The following NR3C2 variants were observed in gnomAD, a reference collection of about 807,000 sequenced individuals.
NR3C2 encodes nuclear receptor subfamily 3 group C member 2.
A neutral mutation model predicts 86.4 loss-of-function variants in NR3C2; 15 were observed. The ratio of observed to expected loss-of-function variants is 0.17; its 90% CI spans 0.12 to 0.27. The LOEUF (loss-of-function observed/expected upper bound fraction) is 0.27, where lower values mean the gene tolerates loss of function less well. Among genes scored for constraint, NR3C2 ranks in the 10% least tolerant of loss-of-function variants. The pLI is 1.00. For missense variants in NR3C2, 960 were observed against 1,195.6 expected (o/e 0.80, Z 2.91); for synonymous variants, 458 against 450.5 (o/e 1.02, Z -0.21).
At chr4:148,268,921 T>C (rs1293911641) in intron 2 of NR3C2, among the ~76,000 whole-genome samples, 1 of 128,586 alleles carries the variant, frequency 7.8e-6, no homozygotes, top group Non-Finnish European at 1.7e-5. Flanking sequence ...ATAGAGACAA[T>C]GAATGAATAA....
chr4:148,394,370 T>C (rs994422898), intron 2 of NR3C2, among the ~76,000 whole-genome samples: 2 of 150,382 alleles, frequency 1.3e-5, no homozygotes, highest in African/African-American at 4.9e-5. Flanking sequence ...TACAGTACTA[T>C]CTTGAAAAAA....
chr4:148,323,650 C>T (rs185215247), intron 2 of NR3C2, among the ~76,000 whole-genome samples: 3,250 of 152,128 alleles, frequency 0.021, 111 homozygotes, highest in African/African-American at 0.074. Flanking sequence ...TTCCAGAAGC[C>T]GTCAGTCACC....
At chr4:148,120,488 CG>C (rs1560931908) in intron 6 of NR3C2, among the ~76,000 whole-genome samples, 200 bp from the exon 7 acceptor site, 1 of 152,208 alleles carries the variant, frequency 6.6e-6, no homozygotes, top group Non-Finnish European at 1.5e-5. Context: ...ACTGCTGGGC[CG>C]TTTACTTGTA....
chr4:148,150,161 T>C (rs1034637215), intron 6 of NR3C2, among the ~76,000 whole-genome samples: 4 of 152,192 alleles, frequency 2.6e-5, no homozygotes, highest in Admixed American at 6.5e-5. Context: ...TAACGGATGA[T>C]TGGATAAAAT....
intron 2 of NR3C2, among the ~76,000 whole-genome samples, chr4:148,288,563 C>T (rs1440716491): frequency 6.6e-6 from 1 of 152,194 alleles, no homozygotes; most frequent in East Asian, 1.9e-4. Context: ...GGTTGCTGGG[C>T]GCCAGCCAAT....
intron 8 of NR3C2, among the ~76,000 whole-genome samples, chr4:148,093,112 A>T (rs974358023): frequency 6.6e-6 from 1 of 152,218 alleles, no homozygotes; most frequent in African/African-American, 2.4e-5. Context: ...AGTTTAGCAG[A>T]TGCCCAGCAT....
At chr4:148,141,834 C>T (rs111805629) in intron 6 of NR3C2, among the ~76,000 whole-genome samples, 4,721 of 152,210 alleles carry the variant, frequency 0.031, 114 homozygotes, top group Middle Eastern at 0.071. Context: ...AACTAATGCC[C>T]GATGATCTGA....
At chr4:148,205,315 T>C (rs1446899683) in intron 3 of NR3C2, among the ~76,000 whole-genome samples, 1 of 152,224 alleles carries the variant, frequency 6.6e-6, no homozygotes, top group Non-Finnish European at 1.5e-5. Flanking sequence ...GTTTTGGGTC[T>C]ATAATGCTAT....
At chr4:148,120,043 G>A (rs1732444725) in intron 7 of NR3C2, 115 bp downstream of exon 7, 1 of 1,357,960 alleles carries the variant, frequency 7.4e-7, no homozygotes, top group Non-Finnish European at 1.0e-6. Flanking sequence ...CAGTGTTTCT[G>A]TTTGGTTTGT....
At chr4:148,185,120 C>T (rs951310339) in intron 4 of NR3C2, among the ~76,000 whole-genome samples, 6 of 152,248 alleles carry the variant, frequency 3.9e-5, no homozygotes, top group Non-Finnish European at 8.8e-5. Flanking sequence ...GCTTTCTTCT[C>T]ACCATACATT....
At chr4:148,344,581 T>C (rs1365716736) in intron 2 of NR3C2, among the ~76,000 whole-genome samples, 3 of 152,288 alleles carry the variant, frequency 2.0e-5, no homozygotes, top group Admixed American at 6.5e-5. Context: ...TAGCTGCTAT[T>C]AGCAGGAGCT....
chr4:148,433,025 A>G (rs1044262360), intron 2 of NR3C2, among the ~76,000 whole-genome samples: 4 of 152,304 alleles, frequency 2.6e-5, no homozygotes, highest in African/African-American at 4.8e-5. Context: ...TAACAAATAC[A>G]TAAGGAATTT....
chr4:148,373,923 T>G (rs936616626), intron 2 of NR3C2, among the ~76,000 whole-genome samples: 3 of 152,226 alleles, frequency 2.0e-5, no homozygotes, highest in Non-Finnish European at 4.4e-5. Context: ...CAGAACATTT[T>G]GGTGAGTTAT....
rs72655279 is a variant in NR3C2 at position 148,287,910 on chromosome 4, A to C, written c.1758-27793T>G. Reference sequence around the variant, plus strand: ...CTAAAGTAGATAGTAGATAATACCTACTGAAATACTTTTTAAAAACACTTA... The same window carrying C: ...CTAAAGTAGATAGTAGATAATACCTCCTGAAATACTTTTTAAAAACACTTA... On this transcript the variant is annotated intron_variant, in intron 2 of 8. Transcript: ENST00000358102. 4.6e-3 allele frequency among the ~76,000 whole-genome samples: 705 copies of C among 152,318 alleles called. 20 individuals carry two copies. The highest frequency in any genetic ancestry group is 0.033 in the Admixed American group (506 of 15,284).
chr4:148,297,116 T>C (rs1742090129), intron 2 of NR3C2, among the ~76,000 whole-genome samples: 1 of 152,156 alleles, frequency 6.6e-6, no homozygotes, highest in Non-Finnish European at 1.5e-5. Flanking sequence ...CAGAAAGCCC[T>C]ACAGGACTGT....
At position 148,329,395 on chromosome 4, in the gene NR3C2, A is replaced by C. The variant is rs113134003; in HGVS notation, c.1758-69278T>G. Among the ~76,000 whole-genome samples the C allele has an allele frequency of 5.0e-3, 763 of 152,270 alleles. 8 individuals are homozygous for C. The highest frequency in any genetic ancestry group is 0.018 in the African/African-American group (739 of 41,558). On this transcript the variant is annotated intron_variant, in intron 2 of 8. Transcript: ENST00000358102. ...AATGCACTTAAGCCCCTAACTCCTAATTTTATACAAATCATCTAAAATGGA... is the reference window on the plus strand; with the variant it reads ...AATGCACTTAAGCCCCTAACTCCTACTTTTATACAAATCATCTAAAATGGA...
chr4:148,228,956 G>A (rs1738320825), intron 3 of NR3C2, among the ~76,000 whole-genome samples: 1 of 152,190 alleles, frequency 6.6e-6, no homozygotes. Context: ...TAAAAGAGCT[G>A]AGAGGCATAG....
At chr4:148,098,934 A>C (rs1287738684) in intron 8 of NR3C2, among the ~76,000 whole-genome samples, 2 of 152,078 alleles carry the variant, frequency 1.3e-5, no homozygotes, top group East Asian at 3.9e-4. Context: ...TTTTGTATCA[A>C]ATTAGGCCCT....
At chr4:148,113,975 T>C in intron 8 of NR3C2, 129 bp downstream of exon 8, 1 of 1,102,244 alleles carries the variant, frequency 9.1e-7, no homozygotes, top group Non-Finnish European at 1.4e-6. Context: ...GACATGGCGA[T>C]ATCCTTAATG....
Sources: allele counts gnomAD v4.1 joint callset (sites outside exome capture counted in the v4.1 genomes callset), GRCh38; gene constraint gnomAD v4.1.1; transcripts MANE v1.5; gene names NCBI Gene and HGNC (gene_info 2026-07-23, HGNC 2026-07-21).